Variants in CDH4 observed in about 807,000 individuals in gnomAD.
The protein encoded by CDH4 is cadherin 4.
In CDH4, 33 loss-of-function variants were observed where a neutral mutation model predicts 86.0. The observed-to-expected ratio is 0.38, with a 90% CI of 0.29 to 0.51. The LOEUF is 0.51. Among genes scored for constraint, CDH4 ranks in the 20% least tolerant of loss-of-function variants. The pLI is 0.86. For missense variants in CDH4, 1,114 were observed against 1,307.4 expected, an observed-to-expected ratio of 0.85 and a Z score of 2.28; for synonymous variants, 555 against 549.4, an observed-to-expected ratio of 1.01 and a Z score of -0.14.
intron 8 of CDH4, among the ~76,000 whole-genome samples, chr20:61,909,653 T>C (rs79817514): frequency 0.036 from 5,524 of 152,220 alleles, 304 homozygotes; most frequent in African/African-American, 0.12. Context: ...CTTCTGAATA[T>C]GTCTGCGTCT....
In CDH4 at chr20:61,940,502, T is replaced by G. The variant is rs2055251536; in HGVS notation, c.*3559T>G. The G allele has an allele frequency of 6.6e-6, 1 of 151,310 alleles. No individual in the cohort carries two copies. The highest frequency in any genetic ancestry group is 6.6e-5 in the Admixed American group (1 of 15,212). The allele number at this position is 151,310 out of a possible 1,614,324, so 9.4% of individuals were successfully genotyped here. A position where few individuals can be genotyped will look rare whatever the true frequency, so the allele number is the denominator to read the frequency against. ...GGGAAGAGAGTTGATGTTTTCAGTG[T>G]GTTTCCAGTGCCAGACAGTCTTGGT... On this transcript the variant is annotated 3_prime_UTR_variant, in exon 16 of 16. Transcript: ENST00000614565.
At chr20:61,447,784 CTA>C (rs750821939) in intron 2 of CDH4, among the ~76,000 whole-genome samples, 39 of 152,142 alleles carry the variant, frequency 2.6e-4, no homozygotes, top group Non-Finnish European at 5.1e-4. Flanking sequence ...TCTTCAAACT[CTA>C]TTTTTATTTG....
chr20:61,325,428 A>T (rs1208604377), intron 2 of CDH4, among the ~76,000 whole-genome samples: 4 of 150,274 alleles, frequency 2.7e-5, no homozygotes, highest in Non-Finnish European at 5.9e-5. Context: ...GAAATTTCTC[A>T]TTTTTTTTTC....
intron 2 of CDH4, among the ~76,000 whole-genome samples, chr20:61,554,184 C>A (rs1279321953): frequency 6.6e-6 from 1 of 152,200 alleles, no homozygotes; most frequent in Non-Finnish European, 1.5e-5. Flanking sequence ...AGGTCCATTT[C>A]TTTCTGTTGT....
intron 2 of CDH4, among the ~76,000 whole-genome samples, chr20:61,384,543 C>T (rs979394819): frequency 6.6e-6 from 1 of 152,094 alleles, no homozygotes; most frequent in Admixed American, 6.6e-5. Context: ...AACATCTGCC[C>T]CAATGTCTCA....
chr20:61,865,820 C>T (rs1365022675), intron 6 of CDH4, among the ~76,000 whole-genome samples: 4 of 151,194 alleles, frequency 2.6e-5, no homozygotes, highest in African/African-American at 9.7e-5. Context: ...AGCTGGCTTC[C>T]TGGCTGGTTT....
chr20:61,280,447 C>A (rs894158543), intron 2 of CDH4, among the ~76,000 whole-genome samples: 1 of 152,156 alleles, frequency 6.6e-6, no homozygotes, highest in Non-Finnish European at 1.5e-5. Flanking sequence ...ACAGCCCCTG[C>A]CTTGGAAGAC....
At chr20:61,323,434 C>G (rs2084519894) in intron 2 of CDH4, among the ~76,000 whole-genome samples, 1 of 152,196 alleles carries the variant, frequency 6.6e-6, no homozygotes, top group Admixed American at 6.5e-5. Flanking sequence ...TTGGAAAGTT[C>G]TATTCAGTTG....
chr20:61,476,443 GAC>G (rs374361077), intron 2 of CDH4, among the ~76,000 whole-genome samples: 89 of 152,286 alleles, frequency 5.8e-4, no homozygotes, highest in African/African-American at 1.9e-3. Flanking sequence ...TCTAAACGTA[GAC>G]ACAACACATA....
At chr20:61,919,085 G>A (rs926510559) in intron 9 of CDH4, among the ~76,000 whole-genome samples, 9 of 152,304 alleles carry the variant, frequency 5.9e-5, no homozygotes, top group Non-Finnish European at 1.2e-4. Flanking sequence ...TGACCAGGCT[G>A]CTCTCGAACT....
At position 61,517,958 on chromosome 20, in the gene CDH4, T is replaced by G. The variant is rs1003031522; in HGVS notation, c.170-225605T>G. On this transcript the variant is annotated intron_variant, in intron 2 of 15. Coordinates refer to ENST00000614565, the MANE Select transcript of CDH4 (RefSeq NM_001794.5). This position sits in a 1 kb window ranked among gnomAD's most constrained non-coding sequence, Gnocchi z 6.6. ...GACAGCTTCTGGGGCTGATTGCCCC[T>G]GGATGGGCCTCTCGTGTGGGGCTGG... 2.0e-5 allele frequency among the ~76,000 whole-genome samples: 3 copies of G among 152,218 alleles called. No individual in the cohort carries two copies. The highest frequency in any genetic ancestry group is 2.9e-5 in the Non-Finnish European group (2 of 67,998).
At chr20:61,885,652 G>T (rs1231176973) in intron 7 of CDH4, among the ~76,000 whole-genome samples, 2 of 152,194 alleles carry the variant, frequency 1.3e-5, no homozygotes, top group Non-Finnish European at 1.5e-5. Context: ...ACATACCCAG[G>T]AGCGGAGCTG....
intron 3 of CDH4, among the ~76,000 whole-genome samples, chr20:61,747,263 ACT>A: frequency 6.6e-6 from 1 of 152,084 alleles, no homozygotes; most frequent in Middle Eastern, 3.4e-3. Flanking sequence ...ACACGGTGAA[ACT>A]CTGTCTCTAC....
At position 61,829,936 on chromosome 20, in the gene CDH4, G is replaced by C. The variant is rs1358491421; in HGVS notation, c.577-14732G>C. Among the ~76,000 whole-genome samples the C allele has an allele frequency of 6.6e-6, 1 of 152,130 alleles. No homozygotes were observed. Among genetic ancestry groups the C allele is most frequent in the Non-Finnish European group, 1.5e-5 (1 of 68,004 alleles). On this transcript the variant is annotated intron_variant, in intron 4 of 15. Coordinates refer to ENST00000614565, the MANE Select transcript of CDH4 (RefSeq NM_001794.5). This position sits in a 1 kb window ranked among gnomAD's most constrained non-coding sequence, Gnocchi z 4.2. Reference sequence around the variant, plus strand: ...GGCCGGCCCTGGGGCTGGGAGGCAGGTGTGGGAAGTGCAGGTGGGTGGTTT... The same window carrying C: ...GGCCGGCCCTGGGGCTGGGAGGCAGCTGTGGGAAGTGCAGGTGGGTGGTTT...
At chr20:61,769,095 C>A (rs1281623312) in intron 3 of CDH4, among the ~76,000 whole-genome samples, 1 of 152,154 alleles carries the variant, frequency 6.6e-6, no homozygotes, top group Non-Finnish European at 1.5e-5. Flanking sequence ...CCAGAGGCTC[C>A]CCTCGCCCTC....
chr20:61,509,218 C>G (rs928729431), intron 2 of CDH4, among the ~76,000 whole-genome samples: 1 of 152,030 alleles, frequency 6.6e-6, no homozygotes, highest in Non-Finnish European at 1.5e-5. Context: ...ATGAAATCAC[C>G]TTGTCAGGGT....
At chr20:61,640,902 G>A (rs1281686037) in intron 2 of CDH4, among the ~76,000 whole-genome samples, 1 of 152,242 alleles carries the variant, frequency 6.6e-6, no homozygotes, top group African/African-American at 2.4e-5. Context: ...GCGAGTTCCA[G>A]CTCTGAGATG....
At chr20:61,528,505 C>T (rs1034373765) in intron 2 of CDH4, among the ~76,000 whole-genome samples, 5 of 141,486 alleles carry the variant, frequency 3.5e-5, no homozygotes, top group Admixed American at 1.4e-4. Context: ...CACAGTGGCT[C>T]ACACCTGTAA....
chr20:61,380,733 G>T (rs2084896167), intron 2 of CDH4, among the ~76,000 whole-genome samples: 1 of 152,190 alleles, frequency 6.6e-6, no homozygotes, highest in Non-Finnish European at 1.5e-5. Flanking sequence ...CAGCCCGCAT[G>T]GTTGTTACAA....
Sources: gnomAD v4.1 joint callset for allele counts (sites outside exome capture counted in the v4.1 genomes callset) on GRCh38, gnomAD v4.1.1 for gene constraint, Gnocchi (gnomAD v3.1) non-coding constraint, MANE v1.5 for transcripts, NCBI Gene and HGNC (gene_info 2026-07-23, HGNC 2026-07-21) for gene names.